Variants in RIPOR2 observed in about 807,000 individuals in gnomAD.
RIPOR2 encodes the protein RHO family interacting cell polarization regulator 2.
RIPOR2 carries 39 observed loss-of-function variants against 114.5 expected under a neutral mutation model. The observed-to-expected ratio is 0.34, with a 90% confidence interval of 0.26 to 0.44. The LOEUF is 0.44. RIPOR2 is among the 20% of genes least tolerant of loss of function. The pLI, the probability that RIPOR2 is intolerant of heterozygous loss-of-function variation, is 1.00. For missense variants in RIPOR2, 1,007 were observed against 1,255.1 expected (o/e 0.80, Z 2.99); for synonymous variants, 445 against 484.4 (o/e 0.92, Z 1.07).
At chr6:24,827,192 C>T (rs1300792684) in intron 18 of RIPOR2, among the ~76,000 whole-genome samples, 1 of 152,132 alleles carries the variant, frequency 6.6e-6, no homozygotes, top group African/African-American at 2.4e-5. Context: ...GGTCTTTCTG[C>T]CCATGCTTTC....
intron 1 of RIPOR2, among the ~76,000 whole-genome samples, chr6:25,009,884 C>A (rs1400037442): frequency 6.6e-6 from 1 of 152,018 alleles, no homozygotes; most frequent in African/African-American, 2.4e-5. Flanking sequence ...TGCCCTGGGC[C>A]AAGTGGGTTT....
intron 5 of RIPOR2, 41 bp downstream of exon 5, chr6:24,870,825 T>A: frequency 1.3e-6 from 2 of 1,552,220 alleles, no homozygotes. Context: ...GGATGCAGAA[T>A]TTTTTTCTTA....
chr6:24,938,830 T>A (rs1771957420), upstream of RIPOR2, among the ~76,000 whole-genome samples: 1 of 152,196 alleles, frequency 6.6e-6, no homozygotes, highest in Non-Finnish European at 1.5e-5. Flanking sequence ...CTCCAAAGTT[T>A]ACAATTACCT....
intron 1 of RIPOR2, among the ~76,000 whole-genome samples, chr6:24,956,199 C>T (rs379970): frequency 0.79 from 120,810 of 152,138 alleles, 51,570 homozygotes; most frequent in East Asian, 0.96. Context: ...TGTGTCTCTG[C>T]ACATTAAATA....
intron 1 of RIPOR2, among the ~76,000 whole-genome samples, chr6:25,031,735 ATATATATATATATAT>A (rs1561855823): frequency 0.013 from 1,430 of 108,762 alleles, 59 homozygotes; most frequent in Non-Finnish European, 0.019. Flanking sequence ...ATATATATAT[ATATATATATATATAT>A]AAAATATCCA....
chr6:24,996,368 G>GATGA (rs1775047263), intron 1 of RIPOR2, among the ~76,000 whole-genome samples: 1 of 152,196 alleles, frequency 6.6e-6, no homozygotes, highest in Non-Finnish European at 1.5e-5. Context: ...AACAGGAGTT[G>GATGA]ATGAATGCAT....
At chr6:24,857,914 C>T (rs7775096) in intron 8 of RIPOR2, among the ~76,000 whole-genome samples, 32,471 of 152,120 alleles carry the variant, frequency 0.21, 4,033 homozygotes, top group East Asian at 0.33. Flanking sequence ...CAGGACCCAA[C>T]TAATTCTCCA....
chr6:24,806,187 A>G lies in RIPOR2; in HGVS notation c.*186T>C. On this transcript the variant is annotated 3_prime_UTR_variant, in exon 22 of 22. Transcript: ENST00000643898. ...GGTTGGTCTTGAACCTCCTGGGCTT[A>G]AGCAATTCTCCTGCGTTGGCCTCCC... 1.7e-6 allele frequency: 1 copy of G among 588,614 alleles called. No individual in the cohort carries two copies. The highest frequency in any genetic ancestry group is 3.0e-5 in the East Asian group (1 of 33,662). The allele number at this position is 588,614 out of a possible 1,614,324, so 36.5% of individuals were successfully genotyped here.
chr6:24,956,009 CAAA>C (rs10587846), intron 1 of RIPOR2, among the ~76,000 whole-genome samples: 4,710 of 130,528 alleles, frequency 0.036, 216 homozygotes, highest in African/African-American at 0.12. Context: ...GACTCTGTCT[CAAA>C]AAAAAAAAAA....
chr6:24,832,394 G>A lies in RIPOR2; in HGVS notation c.2209-3C>T. The stretch of plus-strand genomic sequence containing the variant: ...GTTTTGCTTGAGAAAACAATTTGCT[G>A]GTAAAACAAACAAAACTCCTGTTTC... On this transcript the variant is annotated splice_region_variant and splice_polypyrimidine_tract_variant and intron_variant, in intron 15 of 21. Coordinates refer to ENST00000643898, the MANE Select transcript of RIPOR2 (RefSeq NM_001286445.3). 2 of 1,551,728 alleles carry A rather than the reference G, an allele frequency of 1.3e-6. No individual in the cohort carries two copies. The highest frequency in any genetic ancestry group is 1.7e-6 in the Non-Finnish European group (2 of 1,146,924).
intron 4 of RIPOR2, 30 bp from the exon 5 acceptor site, chr6:24,870,919 A>C (rs781455782): frequency 3.0e-5 from 45 of 1,498,828 alleles, no homozygotes; most frequent in Non-Finnish European, 3.7e-5. Flanking sequence ...ATCTGCATTT[A>C]AACATTATCC....
At position 24,954,456 on chromosome 6, in the gene RIPOR2, C is replaced by CTTTTTT. The variant is rs10667748; in HGVS notation, c.77-78645_77-78640dup. ...ACTGTGCAGGCCCAGTCTCTCTCTC[C>CTTTTTT]TTTTTTTTTTTTTTTTTGAGACAGG... On this transcript the variant is annotated intron_variant, in intron 1 of 13. Transcript: ENST00000510784. 2.1e-3 allele frequency among the ~76,000 whole-genome samples: 273 copies of CTTTTTT among 132,336 alleles called. 7 individuals are homozygous for CTTTTTT. The highest frequency in any genetic ancestry group is 5.4e-3 in the South Asian group (22 of 4,108). 86.8% of individuals were successfully genotyped at this position (132,336 alleles called of 152,430 possible).
chr6:25,020,839 T>C (rs768322786), intron 1 of RIPOR2, among the ~76,000 whole-genome samples: 1 of 152,162 alleles, frequency 6.6e-6, no homozygotes, highest in Non-Finnish European at 1.5e-5. Flanking sequence ...ACAAGGTTCA[T>C]GTCTAGTTTA....
chr6:24,870,936 AG>A, intron 4 of RIPOR2, 47 bp from the exon 5 acceptor site: 1 of 1,302,250 alleles, frequency 7.7e-7, no homozygotes, highest in Non-Finnish European at 1.1e-6. Context: ...ATCCTTCAAA[AG>A]GTTACCCATC....
At chr6:25,015,604 T>G (rs193295609) in intron 1 of RIPOR2, 4 of 152,304 alleles carry the variant, frequency 2.6e-5, no homozygotes, top group African/African-American at 9.6e-5. Flanking sequence ...ATTCAGTCAC[T>G]TTTACCAAAT....
At chr6:24,856,340 T>C (rs970354091) in intron 8 of RIPOR2, among the ~76,000 whole-genome samples, 1 of 152,204 alleles carries the variant, frequency 6.6e-6, no homozygotes, top group East Asian at 1.9e-4. Flanking sequence ...CTAATAATTT[T>C]CTGCAGCATT....
chr6:25,037,367 C>T lies in RIPOR2; in HGVS notation c.76+4484G>A, dbSNP rs1443057547. Reference sequence around the variant, plus strand: ...CTCTCGGGGCATTCAGTTATCTGTGCCCACCCCTCATTCCCGTGCCCTGCC... The same window carrying T: ...CTCTCGGGGCATTCAGTTATCTGTGTCCACCCCTCATTCCCGTGCCCTGCC... On this transcript the variant is annotated intron_variant, in intron 1 of 13. Coordinates refer to the RIPOR2 transcript ENST00000510784. The surrounding 1 kb of genome is among the most constrained non-coding windows in gnomAD (Gnocchi z 4.5). 6.6e-6 allele frequency among the ~76,000 whole-genome samples: 1 copy of T among 152,126 alleles called. No individual in the cohort carries two copies. The highest frequency in any genetic ancestry group is 2.4e-5 in the African/African-American group (1 of 41,418).
At chr6:24,902,817 A>G (rs1768610277) in intron 1 of RIPOR2, among the ~76,000 whole-genome samples, 1 of 152,212 alleles carries the variant, frequency 6.6e-6, no homozygotes, top group Non-Finnish European at 1.5e-5. Flanking sequence ...CAGGAGGAGA[A>G]GGTGAGCTTT....
At chr6:24,838,656 T>C (rs1761329549) in intron 14 of RIPOR2, among the ~76,000 whole-genome samples, 1 of 152,024 alleles carries the variant, frequency 6.6e-6, no homozygotes. Context: ...TAGCCAGGTG[T>C]GGTGGCGGGT....
Sources: gnomAD v4.1 joint callset for allele counts (sites outside exome capture counted in the v4.1 genomes callset) on GRCh38, gnomAD v4.1.1 for gene constraint, Gnocchi (gnomAD v3.1) non-coding constraint, MANE v1.5 for transcripts, NCBI Gene and HGNC (gene_info 2026-07-23, HGNC 2026-07-21) for gene names.